The following PLSCR4 variants were observed in gnomAD, a reference collection of about 807,000 sequenced individuals.
PLSCR4 encodes the protein phospholipid scramblase 4.
A neutral mutation model predicts 36.3 loss-of-function variants in PLSCR4; 25 were observed. The observed-to-expected ratio is 0.69, with a 90% CI of 0.50 to 0.96. The LOEUF is 0.96. Ranked by LOEUF, PLSCR4 falls within the 40% of genes least tolerant of loss-of-function variation. The pLI is 0.00. For missense variants in PLSCR4, 408 were observed against 414.7 expected, an observed-to-expected ratio of 0.98 and a Z score of 0.14; for synonymous variants, 122 against 132.9, an observed-to-expected ratio of 0.92 and a Z score of 0.56.
chr3:146,211,107 T>A lies in PLSCR4; in HGVS notation c.119-4346A>T, dbSNP rs190449963. 1.3e-3 allele frequency among the ~76,000 whole-genome samples: 195 copies of A among 152,192 alleles called. 1 individual carries two copies. Among genetic ancestry groups the A allele is most frequent in the Non-Finnish European group, 1.8e-3 (125 of 67,932 alleles). On this transcript the variant is annotated intron_variant, in intron 3 of 8. Coordinates refer to ENST00000354952, the MANE Select transcript of PLSCR4 (RefSeq NM_020353.3). ...CTATGAGTGAAATTAGCTGAAATAT[T>A]TAGTAACTCCATTATTAACTGCCAA...
chr3:146,237,170 G>T (rs1181193029), intron 1 of PLSCR4, among the ~76,000 whole-genome samples: 1 of 152,150 alleles, frequency 6.6e-6, no homozygotes, highest in Non-Finnish European at 1.5e-5. Flanking sequence ...AAGAGCTGCA[G>T]TGGCTATACT....
intron 1 of PLSCR4, among the ~76,000 whole-genome samples, chr3:146,242,680 A>T (rs77514194): frequency 0.014 from 2,118 of 152,290 alleles, 53 homozygotes; most frequent in African/African-American, 0.049. Context: ...ATTCTAGCCA[A>T]CTTCATGTAT....
chr3:146,241,743 C>A (rs1012682709), intron 1 of PLSCR4, among the ~76,000 whole-genome samples: 1 of 152,134 alleles, frequency 6.6e-6, no homozygotes, highest in Admixed American at 6.5e-5. Flanking sequence ...AACATTCACC[C>A]AGACAGACCA....
intron 3 of PLSCR4, among the ~76,000 whole-genome samples, chr3:146,218,294 A>T (rs575658238): frequency 1.2e-4 from 18 of 152,174 alleles, no homozygotes; most frequent in Non-Finnish European, 2.5e-4. Flanking sequence ...ATTATTAAAA[A>T]TAACAATGTA....
At chr3:146,200,065 T>C in intron 5 of PLSCR4, 26 bp from the exon 6 acceptor site, 1 of 1,308,130 alleles carries the variant, frequency 7.6e-7, no homozygotes, top group Non-Finnish European at 1.1e-6. Flanking sequence ...AGTAAGTCTA[T>C]ATTAGAAACA....
rs149259012 is a variant in PLSCR4, at chr3:146,244,593, C to A, written c.-22+6367G>T. Among the ~76,000 whole-genome samples the A allele has an allele frequency of 3.9e-5, 6 of 151,906 alleles. No homozygotes were observed. In the East Asian group the frequency reaches 1.2e-3, roughly 29 times the overall value. Reference sequence around the variant, plus strand: ...GTTACTATTATAATTGTTTTGGGACCCCATGAACCATGCCTATATAAGATG... The same window carrying A: ...GTTACTATTATAATTGTTTTGGGACACCATGAACCATGCCTATATAAGATG... On this transcript the variant is annotated intron_variant, in intron 1 of 8. Coordinates refer to ENST00000354952, the MANE Select transcript of PLSCR4 (RefSeq NM_020353.3).
intron 1 of PLSCR4, among the ~76,000 whole-genome samples, chr3:146,247,848 C>G (rs2036399961): frequency 6.6e-6 from 1 of 152,152 alleles, no homozygotes; most frequent in African/African-American, 2.4e-5. Flanking sequence ...TCTCAAACTC[C>G]TGGGCTAAAA....
chr3:146,225,172 T>C (rs1328619969), intron 1 of PLSCR4, among the ~76,000 whole-genome samples: 1 of 150,736 alleles, frequency 6.6e-6, no homozygotes. Flanking sequence ...AGGGTGCTGA[T>C]TGGTGTATTT....
chr3:146,230,580 T>C (rs80335617), intron 1 of PLSCR4, among the ~76,000 whole-genome samples: 2,000 of 152,256 alleles, frequency 0.013, 37 homozygotes, highest in African/African-American at 0.046. Flanking sequence ...GGAAATACTA[T>C]TGTCTCTTTG....
At chr3:146,206,882 G>T (rs1263695040) in intron 3 of PLSCR4, 121 bp from the exon 4 acceptor site, 2 of 657,458 alleles carry the variant, frequency 3.0e-6, no homozygotes, top group Non-Finnish European at 5.3e-6. Flanking sequence ...TTCCATTTTT[G>T]ATTCACACTT....
At chr3:146,225,659 G>A (rs935319092) in intron 1 of PLSCR4, among the ~76,000 whole-genome samples, 16 of 152,194 alleles carry the variant, frequency 1.1e-4, no homozygotes, top group African/African-American at 3.1e-4. Context: ...TACACCCTCC[G>A]CAGCCACTGG....
intron 7 of PLSCR4, among the ~76,000 whole-genome samples, chr3:146,196,018 T>G (rs991209501): frequency 5.3e-5 from 8 of 152,220 alleles, no homozygotes; most frequent in African/African-American, 1.9e-4. Context: ...TTAAGAAGCC[T>G]AGGAAATATT....
At chr3:146,195,367 A>C in intron 7 of PLSCR4, 85 bp from the exon 8 acceptor site, 1 of 1,075,342 alleles carries the variant, frequency 9.3e-7, no homozygotes, top group South Asian at 1.4e-5. Context: ...GATAACATAA[A>C]TACAATGCAG....
chr3:146,246,926 A>G (rs1376705000), intron 1 of PLSCR4, among the ~76,000 whole-genome samples: 2 of 152,168 alleles, frequency 1.3e-5, no homozygotes, highest in African/African-American at 4.8e-5. Context: ...CCCATTTCCC[A>G]TTTGAAAAGG....
chr3:146,224,843 ATC>A (rs2035371271), intron 1 of PLSCR4, among the ~76,000 whole-genome samples: 1 of 148,910 alleles, frequency 6.7e-6, no homozygotes, highest in Admixed American at 6.8e-5. Flanking sequence ...CCACGTCCCC[ATC>A]AGATTAGTTA....
At chr3:146,208,178 G>T (rs1432326402) in intron 3 of PLSCR4, among the ~76,000 whole-genome samples, 2 of 152,084 alleles carry the variant, frequency 1.3e-5, no homozygotes, top group African/African-American at 4.8e-5. Context: ...ACAAAGTGGG[G>T]AAAGGACACC....
At chr3:146,227,788 C>A (rs2035538143) in intron 1 of PLSCR4, among the ~76,000 whole-genome samples, 2 of 152,200 alleles carry the variant, frequency 1.3e-5, no homozygotes, top group Admixed American at 1.3e-4. Context: ...GAAAGCAGGT[C>A]AATGAGCAAT....
At chr3:146,245,923 A>G (rs1050935563) in intron 1 of PLSCR4, among the ~76,000 whole-genome samples, 1 of 152,072 alleles carries the variant, frequency 6.6e-6, no homozygotes, top group African/African-American at 2.4e-5. Flanking sequence ...CTTGGCTCCT[A>G]TGGTGGACTG....
intron 7 of PLSCR4, among the ~76,000 whole-genome samples, chr3:146,196,076 T>C (rs2108201262): frequency 6.6e-6 from 1 of 152,340 alleles, no homozygotes; most frequent in East Asian, 1.9e-4. Context: ...ACCAGCATTT[T>C]GTAGCCAGTG....
Sources: allele counts gnomAD v4.1 joint callset (sites outside exome capture counted in the v4.1 genomes callset), GRCh38; gene constraint gnomAD v4.1.1; transcripts MANE v1.5; gene names NCBI Gene and HGNC (gene_info 2026-07-23, HGNC 2026-07-21).